Variants in PPP3CB observed in about 807,000 individuals in gnomAD.
The protein encoded by PPP3CB is protein phosphatase 3 catalytic subunit beta, also known as serine/threonine-protein phosphatase 2B catalytic subunit beta isoform.
In PPP3CB, 8 loss-of-function variants were observed where a neutral mutation model predicts 66.4. The observed-to-expected ratio is 0.12, with a 90% CI of 0.07 to 0.22. The LOEUF (loss-of-function observed/expected upper bound fraction) is 0.22, where lower values mean the gene tolerates loss of function less well. PPP3CB is among the 10% of genes least tolerant of loss of function. The probability of loss-of-function intolerance (pLI) is 1.00; values close to 1 mark genes in which losing one functional copy is unlikely to be tolerated. For synonymous variants in PPP3CB, 208 were observed against 221.2 expected, an observed-to-expected ratio of 0.94 and a Z score of 0.53; for missense variants, 319 against 642.5, an observed-to-expected ratio of 0.50 and a Z score of 5.44.
Position 73,444,829 on chromosome 10 carries a change from CAG to C in PPP3CB, c.1269-9_1269-8del. On this transcript the variant is annotated splice_polypyrimidine_tract_variant and splice_region_variant and intron_variant, in intron 11 of 13. Coordinates refer to ENST00000360663, the MANE Select transcript of PPP3CB (RefSeq NM_021132.4). ...CACACTTTCACTCTCCTCCCTATAG[CAG>C]AGAGATATAACAAATATCAGATACT... The C allele has an allele frequency of 6.2e-7, 1 of 1,612,074 alleles. No homozygotes were observed. Among genetic ancestry groups the C allele is most frequent in the South Asian group, 1.1e-5 (1 of 90,978 alleles).
At position 73,495,766 on chromosome 10, in the gene PPP3CB, T is replaced by A. The variant is rs1419971944; in HGVS notation, c.85+39A>T. 5 of 1,522,290 alleles carry A rather than the reference T, an allele frequency of 3.3e-6. No individual in the cohort carries two copies. In the South Asian group the frequency reaches 5.6e-5, roughly 17 times the overall value. The allele number at this position is 1,522,290 out of a possible 1,614,324, so 94.3% of individuals were successfully genotyped here. On this transcript the variant is annotated intron_variant, in intron 1 of 13. Transcript: ENST00000360663. ...CCGCCCGCCCTCACACACAGCTAGC[T>A]CTTCAGGCCAGGCCCCCAGGGTTTC...
At chr10:73,482,542 C>CAAAAAA (rs537336452) in intron 1 of PPP3CB, among the ~76,000 whole-genome samples, 2 of 36,726 alleles carry the variant, frequency 5.4e-5, no homozygotes, top group African/African-American at 1.9e-4. Flanking sequence ...GACTCCGTCT[C>CAAAAAA]AAAAAAAAAA....
chr10:73,482,768 C>A (rs1014104048), intron 1 of PPP3CB, among the ~76,000 whole-genome samples: 1 of 151,834 alleles, frequency 6.6e-6, no homozygotes, highest in African/African-American at 2.4e-5. Context: ...CAGGCACCCG[C>A]CACCACACCC....
intron 12 of PPP3CB, 111 bp from the exon 13 acceptor site, chr10:73,440,012 C>A: frequency 9.0e-7 from 1 of 1,109,332 alleles, no homozygotes; most frequent in Non-Finnish European, 1.3e-6. Flanking sequence ...TCCCATACTA[C>A]ATCATCATTT....
intron 12 of PPP3CB, among the ~76,000 whole-genome samples, chr10:73,443,157 G>A (rs113332786): frequency 6.6e-6 from 1 of 151,670 alleles, no homozygotes; most frequent in African/African-American, 2.4e-5. Flanking sequence ...TCCAGCCTGG[G>A]TGACACAGCA....
Position 73,495,928 on chromosome 10 carries a change from G to A in PPP3CB, c.-39C>T, listed in dbSNP as rs1209743586. Reference sequence around the variant, plus strand: ...CTCGGCTAGGCTCTGGGCCGGGCGGGGTTGGGGGCGGGGGCGGCGGCTACC... The same window carrying A: ...CTCGGCTAGGCTCTGGGCCGGGCGGAGTTGGGGGCGGGGGCGGCGGCTACC... On this transcript the variant is annotated 5_prime_UTR_variant, in exon 1 of 14. Coordinates refer to ENST00000360663, the MANE Select transcript of PPP3CB (RefSeq NM_021132.4). 23 of 908,726 alleles carry A rather than the reference G, an allele frequency of 2.5e-5. No individual in the cohort carries two copies. Among genetic ancestry groups the A allele is most frequent in the Non-Finnish European group, 3.2e-5 (22 of 696,672 alleles). The allele number at this position is 908,726 out of a possible 1,614,324, so 56.3% of individuals were successfully genotyped here. A position where few individuals can be genotyped will look rare whatever the true frequency, so the allele number is the denominator to read the frequency against.
chr10:73,448,642 T>C (rs138131477), intron 10 of PPP3CB: 92 of 533,316 alleles, frequency 1.7e-4, no homozygotes, highest in African/African-American at 1.6e-3. Context: ...TTCAAAACAA[T>C]GTTACTCTGT....
rs555478368 is a variant in PPP3CB at position 73,479,393 on chromosome 10, C to G, written c.210G>C (p.Ala70=). The change falls in exon 2 of 14, where the codon GCG becomes GCC. Residue 70 remains alanine, a synonymous_variant. Coordinates refer to ENST00000360663, the MANE Select transcript of PPP3CB (RefSeq NM_021132.4). ...VKEGRVDEEI[A]LRIINEGAAI... The stretch of plus-strand genomic sequence containing the variant: ...CAGCACCCTCATTGATAATTCTAAG[C>G]GCAATTTCTTCATCTACTCGACCTT... The G allele has an allele frequency of 6.2e-7, 1 of 1,614,116 alleles. No individual in the cohort carries two copies. The highest frequency in any genetic ancestry group is 1.1e-5 in the South Asian group (1 of 91,084).
chr10:73,462,346 T>A (rs1302417847), intron 9 of PPP3CB, among the ~76,000 whole-genome samples: 1 of 151,546 alleles, frequency 6.6e-6, no homozygotes. Flanking sequence ...TACAATTTTT[T>A]AAAAAAGGAA....
At chr10:73,482,189 A>T (rs1179109320) in intron 1 of PPP3CB, among the ~76,000 whole-genome samples, 1 of 151,850 alleles carries the variant, frequency 6.6e-6, no homozygotes, top group Non-Finnish European at 1.5e-5. Flanking sequence ...CAGTTTTTTC[A>T]TCAGGTCAGA....
intron 10 of PPP3CB, among the ~76,000 whole-genome samples, chr10:73,453,620 T>C (rs1233721926): frequency 6.6e-6 from 1 of 152,106 alleles, no homozygotes; most frequent in Non-Finnish European, 1.5e-5. Flanking sequence ...CTTACCAATA[T>C]ACAGACCATG....
chr10:73,462,743 G>A (rs961242226), intron 9 of PPP3CB, among the ~76,000 whole-genome samples: 1 of 151,634 alleles, frequency 6.6e-6, no homozygotes, highest in African/African-American at 2.4e-5. Flanking sequence ...TGAGGTCAGG[G>A]GTTCAAGAGC....
At chr10:73,470,447 A>AAC (rs965919249) in intron 8 of PPP3CB, among the ~76,000 whole-genome samples, 52 of 152,320 alleles carry the variant, frequency 3.4e-4, no homozygotes, top group African/African-American at 1.3e-3. Flanking sequence ...TGATGCACTT[A>AAC]ACTCAGAGCA....
Position 73,471,586 on chromosome 10 carries a change from T to C in PPP3CB, c.551A>G (p.Tyr184Cys), listed in dbSNP as rs1435566336. ...ATCAAAAGCTTCCATACAAGCTTCA[T>C]AGACTCTTTCCGAATACTTAATTTT... is the stretch of plus-strand genomic sequence containing the variant. ...ECKIKYSERV[Y>C]EACMEAFDSL... is the part of the protein sequence containing the mutation. Residue 184 changes from tyrosine (Y) to cysteine (C), a missense_variant, in exon 5 of 14, where the codon TAT (tyrosine) becomes TGT (cysteine). Tyr to Cys is a radical substitution (Grantham distance 194). Around this residue, in one of 5 missense-constraint regions of PPP3CB, gnomAD observed 51 missense variants for 139.6 expected, o/e 0.37. Transcript: ENST00000360663. The C allele has an allele frequency of 1.2e-6, 2 of 1,603,512 alleles. No homozygotes were observed. Among genetic ancestry groups the C allele is most frequent in the Admixed American group, 1.7e-5 (1 of 57,732 alleles).
At position 73,471,591 on chromosome 10, in the gene PPP3CB, T is replaced by C. The variant is rs758615692; in HGVS notation, c.546A>G (p.Arg182=). The C allele has an allele frequency of 6.3e-7, 1 of 1,598,960 alleles. No individual in the cohort carries two copies. The highest frequency in any genetic ancestry group is 8.5e-7 in the Non-Finnish European group (1 of 1,174,862). Residue 182 remains arginine, a synonymous_variant, in exon 5 of 14, where the codon AGA becomes AGG. Coordinates refer to ENST00000360663, the MANE Select transcript of PPP3CB (RefSeq NM_021132.4). ...AAGCTTCCATACAAGCTTCATAGAC[T>C]CTTTCCGAATACTTAATTTTACCTA... The part of the protein sequence containing the change: ...KQECKIKYSE[R]VYEACMEAFD...
intron 1 of PPP3CB, among the ~76,000 whole-genome samples, chr10:73,490,381 G>A (rs1383265138): frequency 3.3e-5 from 5 of 151,918 alleles, no homozygotes; most frequent in Non-Finnish European, 7.4e-5. Flanking sequence ...TTTATATTTT[G>A]TACTTTTGTT....
intron 9 of PPP3CB, among the ~76,000 whole-genome samples, chr10:73,462,414 G>A (rs558064385): frequency 6.6e-6 from 1 of 151,956 alleles, no homozygotes; most frequent in South Asian, 2.1e-4. Context: ...GATATAAACG[G>A]TATGAGGGTC....
chr10:73,479,706 T>C (rs1228626907), intron 1 of PPP3CB, among the ~76,000 whole-genome samples, 189 bp from the exon 2 acceptor site: 3 of 152,214 alleles, frequency 2.0e-5, no homozygotes, highest in Non-Finnish European at 4.4e-5. Flanking sequence ...TATACTAACA[T>C]GTTCTTTGTT....
intron 1 of PPP3CB, among the ~76,000 whole-genome samples, chr10:73,485,242 G>A (rs541601145): frequency 1.3e-5 from 2 of 152,110 alleles, no homozygotes; most frequent in African/African-American, 4.8e-5. Context: ...CACATTTAAT[G>A]TATGGTGGCT....
Sources: allele counts gnomAD v4.1 joint callset (sites outside exome capture counted in the v4.1 genomes callset), GRCh38; gene constraint gnomAD v4.1.1; regional missense constraint gnomAD v4.1.1; transcripts MANE v1.5; gene names NCBI Gene and HGNC (gene_info 2026-07-23, HGNC 2026-07-21).